MCTP2: variants seen among roughly 807,000 people sequenced by gnomAD.
MCTP2 encodes the protein multiple C2 and transmembrane domain-containing protein 2.
In MCTP2, 132 loss-of-function variants were observed where a neutral mutation model predicts 111.6. The ratio of observed to expected loss-of-function variants is 1.18; its 90% CI spans 1.03 to 1.37. MCTP2 has a LOEUF of 1.37. MCTP2 is among the 40% of genes most tolerant of loss of function. The probability of loss-of-function intolerance (pLI) is 0.00; values close to 1 mark genes in which losing one functional copy is unlikely to be tolerated. For synonymous variants in MCTP2, 395 were observed against 387.7 expected (o/e 1.02, Z -0.22); for missense variants, 1,183 against 1,067.9 (o/e 1.11, Z -1.50).
chr15:94,474,220 T>C lies in MCTP2; in HGVS notation c.2471-2476T>C, dbSNP rs117173294. ...AATAGATGAAGCCACAATTTCTAAA[T>C]GTGTCTGCATCATCATAGTTGGCTT... On this transcript the variant is annotated intron_variant, in intron 21 of 22. Transcript: ENST00000357742. Among the ~76,000 whole-genome samples the C allele has an allele frequency of 3.5e-4, 54 of 152,318 alleles. No individual in the cohort carries two copies. In the East Asian group the frequency reaches 0.01, roughly 29 times the overall value.
At chr15:94,452,190 G>T (rs1280012992) in intron 19 of MCTP2, among the ~76,000 whole-genome samples, 1 of 152,030 alleles carries the variant, frequency 6.6e-6, no homozygotes, top group Non-Finnish European at 1.5e-5. Flanking sequence ...AATACTAAAG[G>T]CTATGTAATA....
chr15:94,345,052 T>C, intron 7 of MCTP2, 77 bp from the exon 8 acceptor site: 2 of 1,508,372 alleles, frequency 1.3e-6, no homozygotes, highest in Non-Finnish European at 1.8e-6. Context: ...TAACATAATA[T>C]AATTACATTG....
chr15:94,413,541 T>C (rs2082247950), intron 17 of MCTP2, among the ~76,000 whole-genome samples: 1 of 150,582 alleles, frequency 6.6e-6, no homozygotes, highest in African/African-American at 2.5e-5. Context: ...CTCTTGGGTG[T>C]GACATGGCTT....
chr15:94,238,855 G>T (rs373232772), intron 1 of MCTP2, among the ~76,000 whole-genome samples: 7 of 152,190 alleles, frequency 4.6e-5, no homozygotes, highest in African/African-American at 1.7e-4. Flanking sequence ...TTTAAGCTTT[G>T]TTAATGACAA....
intron 1 of MCTP2, among the ~76,000 whole-genome samples, chr15:94,245,831 C>A (rs1037524794): frequency 6.6e-6 from 1 of 151,336 alleles, no homozygotes; most frequent in Non-Finnish European, 1.5e-5. Context: ...ATTGCTCCCC[C>A]CCCAGCCAAA....
chr15:94,369,688 G>C (rs1165274859), intron 11 of MCTP2, among the ~76,000 whole-genome samples: 1 of 152,116 alleles, frequency 6.6e-6, no homozygotes, highest in Admixed American at 6.6e-5. Context: ...CATAAAGTTT[G>C]TACTAACTAG....
At chr15:94,302,300 G>A (rs2075653500) in intron 2 of MCTP2, among the ~76,000 whole-genome samples, 1 of 152,166 alleles carries the variant, frequency 6.6e-6, no homozygotes. Flanking sequence ...GTGGCAGTGG[G>A]ACAGGACCCC....
intron 4 of MCTP2, among the ~76,000 whole-genome samples, chr15:94,335,810 A>G (rs1168347337): frequency 6.6e-6 from 1 of 152,258 alleles, no homozygotes. Flanking sequence ...GCTCCAAGGA[A>G]TGTTAATTGT....
At chr15:94,390,074 A>ATATATATATATG (rs2080814372) in intron 14 of MCTP2, among the ~76,000 whole-genome samples, 1 of 25,854 alleles carries the variant, frequency 3.9e-5, no homozygotes, top group Non-Finnish European at 9.1e-5. Flanking sequence ...ATATATATAT[A>ATATATATATATG]TATATATATA....
At chr15:94,357,090 G>A (rs543403115) in intron 9 of MCTP2, among the ~76,000 whole-genome samples, 6 of 152,204 alleles carry the variant, frequency 3.9e-5, no homozygotes, top group South Asian at 4.1e-4. Context: ...AAATATAACC[G>A]AGGATATTTC....
At chr15:94,313,387 G>T (rs1317241394) in intron 2 of MCTP2, among the ~76,000 whole-genome samples, 1 of 152,084 alleles carries the variant, frequency 6.6e-6, no homozygotes, top group Non-Finnish European at 1.5e-5. Context: ...CATTTCCTGG[G>T]TACGAGAAGC....
At position 94,403,827 on chromosome 15, in the gene MCTP2, G is replaced by A. The variant is rs116172502; in HGVS notation, c.2085+1808G>A. ...CTCAGATCTCTGAGGCCCACAGCAA[G>A]GAAGATCAAGGTGGTGTTCTCCTTG... On this transcript the variant is annotated intron_variant, in intron 17 of 22. Transcript: ENST00000357742. Among the ~76,000 whole-genome samples, 898 of 152,286 alleles carry A rather than the reference G, an allele frequency of 5.9e-3. 8 individuals carry two copies. Among genetic ancestry groups the A allele is most frequent in the African/African-American group, 0.021 (863 of 41,548 alleles).
chr15:94,417,713 C>T (rs985201901), intron 17 of MCTP2, among the ~76,000 whole-genome samples: 1 of 152,110 alleles, frequency 6.6e-6, no homozygotes, highest in Non-Finnish European at 1.5e-5. Flanking sequence ...GGCTCTGATA[C>T]AAGCACAATT....
chr15:94,403,652 A>G (rs2081725635), intron 17 of MCTP2, among the ~76,000 whole-genome samples: 1 of 152,210 alleles, frequency 6.6e-6, no homozygotes, highest in Non-Finnish European at 1.5e-5. Context: ...TAGGTTGTCT[A>G]ATAGAGGGGA....
At chr15:94,406,860 T>TG (rs1363368224) in intron 17 of MCTP2, among the ~76,000 whole-genome samples, 14 of 127,904 alleles carry the variant, frequency 1.1e-4, no homozygotes, top group African/African-American at 3.9e-4. Flanking sequence ...TTTCAGTTGT[T>TG]TTTTTTTTTT....
rs1330650883 is a variant in MCTP2, at chr15:94,404,329, T to A, written c.2085+2310T>A. ...GTTTTTTTTTTTTTTTGTGACAGAGTCTGACTCTGTCACCCAGGCTGGAGT... is the reference window on the plus strand; with the variant it reads ...GTTTTTTTTTTTTTTTGTGACAGAGACTGACTCTGTCACCCAGGCTGGAGT... On this transcript the variant is annotated intron_variant, in intron 17 of 22. Coordinates refer to ENST00000357742, the MANE Select transcript of MCTP2 (RefSeq NM_001385001.1). 3.4e-4 allele frequency among the ~76,000 whole-genome samples: 50 copies of A among 145,302 alleles called. No homozygotes were observed. In the Admixed American group the frequency reaches 3.5e-3, roughly 10 times the overall value.
chr15:94,478,901 T>C (rs973566321), intron 22 of MCTP2, 65 bp from the exon 23 acceptor site: 1 of 1,447,816 alleles, frequency 6.9e-7, no homozygotes, highest in African/African-American at 1.4e-5. Flanking sequence ...TGGGGAGCCA[T>C]TAGCACACAC....
chr15:94,339,013 T>G (rs368238509), intron 4 of MCTP2, among the ~76,000 whole-genome samples: 3 of 152,210 alleles, frequency 2.0e-5, no homozygotes, highest in African/African-American at 7.2e-5. Flanking sequence ...TAGATTTTAC[T>G]TCTTGAATTT....
chr15:94,267,554 T>C (rs1056199392), intron 1 of MCTP2, among the ~76,000 whole-genome samples: 3 of 150,748 alleles, frequency 2.0e-5, no homozygotes, highest in African/African-American at 7.3e-5. Flanking sequence ...GGAGATCTCT[T>C]TTAATTTCTC....
Sources: allele counts gnomAD v4.1 joint callset (sites outside exome capture counted in the v4.1 genomes callset), GRCh38; gene constraint gnomAD v4.1.1; transcripts MANE v1.5; gene names NCBI Gene and HGNC (gene_info 2026-07-23, HGNC 2026-07-21).